WARS1: variants seen among roughly 807,000 people sequenced by gnomAD.
The protein encoded by WARS1 is tryptophan--tRNA ligase, cytoplasmic.
Under a neutral mutation model 47.8 loss-of-function variants are expected in WARS1, and 17 were observed. The ratio of observed to expected loss-of-function variants is 0.36; its 90% CI spans 0.24 to 0.53. The LOEUF is 0.53. Among genes scored for constraint, WARS1 ranks in the 20% least tolerant of loss-of-function variants. The pLI, the probability that WARS1 is intolerant of heterozygous loss-of-function variation, is 0.91. For synonymous variants in WARS1, 208 were observed against 228.1 expected, an observed-to-expected ratio of 0.91 and a Z score of 0.79; for missense variants, 434 against 608.0, an observed-to-expected ratio of 0.71 and a Z score of 3.01.
At chr14:100,350,399 G>GAAAAAAAAAAAA (rs56393656) in intron 6 of WARS1, among the ~76,000 whole-genome samples, 9 of 112,148 alleles carry the variant, frequency 8.0e-5, no homozygotes, top group South Asian at 2.9e-4. Context: ...CTCAAAAAAA[G>GAAAAAAAAAAAA]AAAAAAAAAA....
intron 9 of WARS1, chr14:100,340,403 G>C (rs1024011042): frequency 3.9e-5 from 6 of 152,224 alleles, no homozygotes; most frequent in African/African-American, 1.4e-4. Flanking sequence ...AATAAAGTTA[G>C]ATAACACAGG....
At chr14:100,368,779 G>T (rs1896160666) in intron 2 of WARS1, among the ~76,000 whole-genome samples, 1 of 77,154 alleles carries the variant, frequency 1.3e-5, no homozygotes, top group Non-Finnish European at 3.2e-5. Flanking sequence ...TGACCAACGT[G>T]GTGAAACCCC....
intron 4 of WARS1, among the ~76,000 whole-genome samples, chr14:100,356,406 G>GT (rs1421505361): frequency 6.8e-5 from 10 of 146,280 alleles, no homozygotes; most frequent in Non-Finnish European, 1.5e-4. Context: ...TGTGGGGGGG[G>GT]GTGTGGAATA....
chr14:100,373,507 G>A lies in WARS1; in HGVS notation c.-74+1776C>T, dbSNP rs953103555. The stretch of plus-strand genomic sequence containing the variant: ...GCGTGAAGGCAACAAGGCAGCAGCA[G>A]TAAGGTTTTGAAGTCAATCAAGTAT... On this transcript the variant is annotated intron_variant, in intron 1 of 10. Transcript: ENST00000392882. The surrounding 1 kb of genome is among the most constrained non-coding windows in gnomAD (Gnocchi z 4.4). 6.6e-6 allele frequency among the ~76,000 whole-genome samples: 1 copy of A among 152,212 alleles called. No homozygotes were observed. Among genetic ancestry groups the A allele is most frequent in the Non-Finnish European group, 1.5e-5 (1 of 68,050 alleles).
Position 100,361,919 on chromosome 14 carries a change from A to G in WARS1, c.102T>C (p.Asp34=), listed in dbSNP as rs753226412. 1 of 1,614,048 alleles carries G rather than the reference A, an allele frequency of 6.2e-7. No individual in the cohort carries two copies. The highest frequency in any genetic ancestry group is 8.5e-7 in the Non-Finnish European group (1 of 1,179,916). The change falls in exon 3 of 11, where the codon GAT becomes GAC. Residue 34 remains aspartate, a splice_region_variant and synonymous_variant. Coordinates refer to ENST00000392882, the MANE Select transcript of WARS1 (RefSeq NM_004184.4). ...ACATCTTTACTGCAGAATCAATTTC[A>G]TCCTGAGAGAGGAAATAAAAGGGAT... ...RSLKAGNASK[D]EIDSAVKMLV...
chr14:100,361,877 C>A lies in WARS1; in HGVS notation c.144G>T (p.Met48Ile). ...CCTCCCCCGCGGCAGCTTTGTAGCT[C>A]ATTTTTAATGACACCAACATCTTTA... ...SAVKMLVSLK[M>I]SYKAAAGEDY... The change falls in exon 3 of 11, where the codon ATG (methionine) becomes ATT (isoleucine). Residue 48 changes from methionine (M) to isoleucine (I), a missense_variant. Around this residue, in one of 2 missense-constraint regions of WARS1, gnomAD observed 87 missense variants for 84.2 expected, o/e 1.03. Transcript: ENST00000392882. 6.2e-7 allele frequency: 1 copy of A among 1,614,156 alleles called. No individual in the cohort carries two copies. Among genetic ancestry groups the A allele is most frequent in the Non-Finnish European group, 8.5e-7 (1 of 1,180,018 alleles).
At chr14:100,360,386 T>C (rs1013738543) in intron 4 of WARS1, 168 bp downstream of exon 4, 12 of 452,942 alleles carry the variant, frequency 2.6e-5, no homozygotes, top group African/African-American at 2.0e-4. Context: ...TGGACAAGCA[T>C]GATCCCACAG....
At chr14:100,369,900 G>T (rs1394670113) in intron 1 of WARS1, among the ~76,000 whole-genome samples, 1 of 75,686 alleles carries the variant, frequency 1.3e-5, no homozygotes, top group Non-Finnish European at 3.3e-5. Context: ...CTGACCTCAG[G>T]TGATCCTCTC....
intron 8 of WARS1, 97 bp from the exon 9 acceptor site, chr14:100,342,668 A>T (rs755849069): frequency 1.6e-6 from 2 of 1,212,716 alleles, no homozygotes; most frequent in African/African-American, 3.1e-5. Flanking sequence ...GAAGGCTCTC[A>T]TGCTTCCAAC....
chr14:100,340,436 TACTC>T (rs1340180643), intron 9 of WARS1: 1 of 152,230 alleles, frequency 6.6e-6, no homozygotes, highest in African/African-American at 2.4e-5. Context: ...AGGTGGCAGG[TACTC>T]ACTCAGCAAA....
At chr14:100,335,363 G>A (rs1004181802) in intron 10 of WARS1, among the ~76,000 whole-genome samples, 3 of 150,812 alleles carry the variant, frequency 2.0e-5, no homozygotes, top group African/African-American at 7.3e-5. Context: ...CAGCCTTATG[G>A]CTTCTGTAAA....
chr14:100,366,324 A>C (rs925818940), intron 2 of WARS1, among the ~76,000 whole-genome samples: 1 of 152,196 alleles, frequency 6.6e-6, no homozygotes, highest in Non-Finnish European at 1.5e-5. Context: ...CCTTGACACG[A>C]AAGATTCCCC....
chr14:100,372,040 A>G (rs1896383177), intron 1 of WARS1, among the ~76,000 whole-genome samples: 1 of 152,078 alleles, frequency 6.6e-6, no homozygotes, highest in African/African-American at 2.4e-5. Flanking sequence ...CTGGCTCAAA[A>G]GCTCCCCTGC....
At chr14:100,353,349 C>T (rs1471639242) in intron 6 of WARS1, among the ~76,000 whole-genome samples, 1 of 152,084 alleles carries the variant, frequency 6.6e-6, no homozygotes, top group African/African-American at 2.4e-5. Context: ...CTCCCGGGTT[C>T]AAGCGATTCT....
intron 6 of WARS1, among the ~76,000 whole-genome samples, chr14:100,353,282 G>A (rs760037824): frequency 2.2e-4 from 34 of 151,696 alleles, no homozygotes; most frequent in Non-Finnish European, 4.3e-4. Context: ...ATGGAGTCTC[G>A]CTCTGTTGCC....
chr14:100,346,595 T>C, intron 7 of WARS1, 151 bp downstream of exon 7: 1 of 616,762 alleles, frequency 1.6e-6, no homozygotes, highest in Non-Finnish European at 2.8e-6. Context: ...AGGACAACGA[T>C]GACCCACCCA....
chr14:100,365,452 C>G, intron 2 of WARS1: 1 of 245,480 alleles, frequency 4.1e-6, no homozygotes, highest in Non-Finnish European at 8.4e-6. Flanking sequence ...TGGTGGCGGG[C>G]GCCTGCAGTC....
intron 6 of WARS1, among the ~76,000 whole-genome samples, chr14:100,349,194 T>C (rs1221401701): frequency 6.6e-6 from 1 of 152,216 alleles, no homozygotes; most frequent in Non-Finnish European, 1.5e-5. Flanking sequence ...CAGGCGTGGC[T>C]TGAAGCACTT....
chr14:100,342,422 G>T lies in WARS1; in HGVS notation c.1089C>A (p.Asp363Glu). Residue 363 changes from aspartate to glutamate, a missense_variant, in exon 9 of 11, where the codon GAC becomes GAA. By Grantham distance (45) the Asp-to-Glu change is conservative (BLOSUM62 2). Coordinates refer to ENST00000392882, the MANE Select transcript of WARS1 (RefSeq NM_004184.4). ...CCTTGGTTTTGATCTGCTTGGCCGT[G>T]TCGGTGAGGAAGATGGAGGAGTTGG... ...SDPNSSIFLT[D>E]TAKQIKTKVN... 1.2e-6 allele frequency: 2 copies of T among 1,614,080 alleles called. No homozygotes were observed. The highest frequency in any genetic ancestry group is 4.5e-5 in the East Asian group (2 of 44,852).
Sources: allele counts gnomAD v4.1 joint callset (sites outside exome capture counted in the v4.1 genomes callset), GRCh38; gene constraint gnomAD v4.1.1; regional missense constraint gnomAD v4.1.1; non-coding constraint Gnocchi (gnomAD v3.1); transcripts MANE v1.5; gene names NCBI Gene and HGNC (gene_info 2026-07-23, HGNC 2026-07-21).